FHIT: variants seen among roughly 807,000 people sequenced by gnomAD.
The protein encoded by FHIT is bis(5'-adenosyl)-triphosphatase.
Under a neutral mutation model 17.9 loss-of-function variants are expected in FHIT, and 19 were observed. That is an observed-to-expected ratio of 1.06 (90% CI 0.74 to 1.56). FHIT has a LOEUF of 1.56. Among genes scored for constraint, FHIT ranks in the 40% most tolerant of loss-of-function variants. The pLI is 0.00. For synonymous variants in FHIT, 81 were observed against 69.7 expected (o/e 1.16, Z -0.81); for missense variants, 248 against 189.2 (o/e 1.31, Z -1.82).
chr3:60,683,518 ATTAAGAT>A (rs1316201291), intron 4 of FHIT, among the ~76,000 whole-genome samples: 1 of 88,184 alleles, frequency 1.1e-5, no homozygotes, highest in Non-Finnish European at 2.6e-5. Context: ...AAATTTTTAA[ATTAAGAT>A]AACATATTTT....
At chr3:61,101,761 G>T (rs1193657156) in intron 2 of FHIT, among the ~76,000 whole-genome samples, 1 of 152,090 alleles carries the variant, frequency 6.6e-6, no homozygotes, top group African/African-American at 2.4e-5. Flanking sequence ...CCTTGAAGAG[G>T]TAATTCACAT....
chr3:61,202,443 C>T (rs1298201076), intron 1 of FHIT, among the ~76,000 whole-genome samples: 1 of 144,888 alleles, frequency 6.9e-6, no homozygotes, highest in African/African-American at 2.6e-5. Flanking sequence ...AAGTGACAGC[C>T]TTGTGTGTGA....
At chr3:60,996,214 G>T (rs943810501) in intron 3 of FHIT, among the ~76,000 whole-genome samples, 1 of 152,198 alleles carries the variant, frequency 6.6e-6, no homozygotes, top group African/African-American at 2.4e-5. Flanking sequence ...TGAAGTCAGA[G>T]TGTGACGAGA....
intron 7 of FHIT, among the ~76,000 whole-genome samples, chr3:59,922,929 C>T (rs1705478406): frequency 6.6e-6 from 1 of 152,076 alleles, no homozygotes; most frequent in African/African-American, 2.4e-5. Flanking sequence ...ATAAGGAAAG[C>T]TCTGTGTTTG....
intron 8 of FHIT, among the ~76,000 whole-genome samples, chr3:59,772,781 G>A (rs534498898): frequency 1.2e-4 from 19 of 152,292 alleles, no homozygotes; most frequent in Admixed American, 4.6e-4. Context: ...AGAGCTCGAT[G>A]TTACATATAA....
Position 60,443,112 on chromosome 3 carries a change from T to C in FHIT, c.103+93748A>G, listed in dbSNP as rs920841963. Among the ~76,000 whole-genome samples, 815 of 152,292 alleles carry C rather than the reference T, an allele frequency of 5.4e-3. 9 individuals carry two copies. Among genetic ancestry groups the C allele is most frequent in the African/African-American group, 0.019 (784 of 41,542 alleles). The stretch of plus-strand genomic sequence containing the variant: ...TGTATAAGAATGCTTGTGATTTTTG[T>C]ACATTGATTTTGTATCCTGAGACTT... On this transcript the variant is annotated intron_variant, in intron 5 of 9. Transcript: ENST00000492590.
intron 5 of FHIT, among the ~76,000 whole-genome samples, chr3:60,072,447 TCAACAACAACAAAACATCAC>T (rs1702817272): frequency 7.2e-6 from 1 of 138,054 alleles, no homozygotes. Flanking sequence ...CAAAACATCG[TCAACAACAACAAAACATCAC>T]CAACAACAAT....
chr3:60,295,957 G>A (rs188695284), intron 5 of FHIT, among the ~76,000 whole-genome samples: 181 of 152,130 alleles, frequency 1.2e-3, no homozygotes, highest in African/African-American at 4.2e-3. Flanking sequence ...TTAAATCACG[G>A]GGGTAGTTTC....
At chr3:60,434,457 T>C (rs540080648) in intron 5 of FHIT, among the ~76,000 whole-genome samples, 16 of 152,188 alleles carry the variant, frequency 1.1e-4, no homozygotes, top group Admixed American at 6.6e-5. Flanking sequence ...CAGGGTTGCA[T>C]AGGGGATACA....
At chr3:60,865,901 A>C (rs561737749) in intron 3 of FHIT, among the ~76,000 whole-genome samples, 1 of 152,282 alleles carries the variant, frequency 6.6e-6, no homozygotes, top group African/African-American at 2.4e-5. Context: ...GATGGGGTTT[A>C]CTTAGAGGGA....
At chr3:60,586,970 T>C (rs971273437) in intron 4 of FHIT, among the ~76,000 whole-genome samples, 1 of 152,028 alleles carries the variant, frequency 6.6e-6, no homozygotes, top group Non-Finnish European at 1.5e-5. Flanking sequence ...GTAACAAACC[T>C]GCACCTGTAC....
intron 4 of FHIT, among the ~76,000 whole-genome samples, chr3:60,599,256 C>A (rs1032061577): frequency 6.6e-6 from 1 of 152,086 alleles, no homozygotes; most frequent in Non-Finnish European, 1.5e-5. Flanking sequence ...CTTCCAAACT[C>A]ATTTAAAAAT....
intron 7 of FHIT, among the ~76,000 whole-genome samples, chr3:60,005,017 G>A (rs886323524): frequency 2.0e-5 from 3 of 152,058 alleles, no homozygotes; most frequent in Admixed American, 6.6e-5. Context: ...AGGTTAACTC[G>A]CCCAGGGTTC....
At chr3:61,230,286 G>T (rs12488069) in intron 1 of FHIT, among the ~76,000 whole-genome samples, 12,546 of 152,108 alleles carry the variant, frequency 0.082, 1,155 homozygotes, top group East Asian at 0.4. Context: ...CTATCCTCTT[G>T]GTGCTGTCCT....
At chr3:59,783,235 C>A (rs1002247606) in intron 8 of FHIT, among the ~76,000 whole-genome samples, 1 of 152,184 alleles carries the variant, frequency 6.6e-6, no homozygotes, top group Non-Finnish European at 1.5e-5. Flanking sequence ...CTTTGGGAGG[C>A]CAAGGCGGGA....
intron 5 of FHIT, among the ~76,000 whole-genome samples, chr3:60,168,254 T>C (rs1701263812): frequency 6.6e-6 from 1 of 152,182 alleles, no homozygotes; most frequent in Non-Finnish European, 1.5e-5. Flanking sequence ...CAGAGAGATA[T>C]CTTCTACTGC....
intron 7 of FHIT, among the ~76,000 whole-genome samples, chr3:59,944,779 T>G (rs1043805399): frequency 6.6e-6 from 1 of 152,170 alleles, no homozygotes; most frequent in Non-Finnish European, 1.5e-5. Context: ...TATGCAGTAT[T>G]TGGTTTTCTG....
intron 4 of FHIT, among the ~76,000 whole-genome samples, chr3:60,542,149 T>A (rs1559525764): frequency 6.6e-6 from 1 of 152,252 alleles, no homozygotes; most frequent in Non-Finnish European, 1.5e-5. Context: ...CATTCTTCTG[T>A]ATTCTCTCAA....
rs2033546826 is a variant in FHIT, at chr3:61,042,102, A to G, written c.-163-3T>C. On this transcript the variant is annotated splice_polypyrimidine_tract_variant and splice_region_variant and intron_variant, in intron 2 of 9. Coordinates refer to ENST00000492590, the MANE Select transcript of FHIT (RefSeq NM_002012.4). The stretch of plus-strand genomic sequence containing the variant: ...TGGATGTAGATAGCACTACGGACCT[A>G]GGGAAAGGCAGAAACACAAGATGGG... The G allele has an allele frequency of 6.6e-6, 1 of 152,224 alleles. No individual in the cohort carries two copies. The highest frequency in any genetic ancestry group is 2.1e-4 in the South Asian group (1 of 4,828). 9.4% of individuals were successfully genotyped at this position (152,224 alleles called of 1,614,324 possible).
Sources: gnomAD v4.1 joint callset for allele counts (sites outside exome capture counted in the v4.1 genomes callset) on GRCh38, gnomAD v4.1.1 for gene constraint, MANE v1.5 for transcripts, NCBI Gene and HGNC (gene_info 2026-07-23, HGNC 2026-07-21) for gene names.